The following P3H2 variants were observed in gnomAD, a reference collection of about 807,000 sequenced individuals.
The protein encoded by P3H2 is prolyl 3-hydroxylase 2, also known as leprecan-like 1.
Under a neutral mutation model 87.0 loss-of-function variants are expected in P3H2, and 80 were observed. The observed-to-expected ratio is 0.92, with a 90% CI of 0.77 to 1.11. The LOEUF (loss-of-function observed/expected upper bound fraction) is 1.11, where lower values mean the gene tolerates loss of function less well. P3H2 is among the 50% of genes least tolerant of loss of function. The pLI is 0.00. For missense variants in P3H2, 1,001 were observed against 923.9 expected (o/e 1.08, Z -1.08); for synonymous variants, 367 against 359.3 (o/e 1.02, Z -0.24).
In P3H2 at chr3:189,974,634, A is replaced by G; in HGVS notation, c.1376T>C (p.Leu459Pro). 1 of 1,614,210 alleles carries G rather than the reference A, an allele frequency of 6.2e-7. No individual in the cohort carries two copies. The highest frequency in any genetic ancestry group is 1.3e-5 in the African/African-American group (1 of 75,058). The change falls in exon 9 of 15, where the codon CTG (leucine) becomes CCG (proline). Residue 459 changes from leucine to proline, a missense_variant. Physicochemically the swap from Leu to Pro is moderately conservative, Grantham distance 98. Coordinates refer to ENST00000319332, the MANE Select transcript of P3H2 (RefSeq NM_018192.4). Reference protein sequence around the residue: ...NITFVYNSEQLNGTQRVLLDN... With the variant: ...NITFVYNSEQPNGTQRVLLDN... ...CAGGAGAACCCGCTGAGTCCCGTTCAGCTGCTCCGAGTTGTAGACGAATGT... is the reference window on the plus strand; with the variant it reads ...CAGGAGAACCCGCTGAGTCCCGTTCGGCTGCTCCGAGTTGTAGACGAATGT...
chr3:190,038,650 A>C (rs1725502255), intron 1 of P3H2, among the ~76,000 whole-genome samples: 1 of 152,180 alleles, frequency 6.6e-6, no homozygotes, highest in Non-Finnish European at 1.5e-5. Flanking sequence ...GTCCCCTAGG[A>C]TGCATTAATC....
At chr3:190,034,219 GAA>G (rs57522439) in intron 1 of P3H2, among the ~76,000 whole-genome samples, 86,665 of 151,510 alleles carry the variant, frequency 0.57, 26,907 homozygotes, top group South Asian at 0.71. Context: ...AATCACATAT[GAA>G]TAATTGTTCC....
intron 1 of P3H2, among the ~76,000 whole-genome samples, chr3:189,996,485 T>C (rs535013016): frequency 3.9e-5 from 6 of 152,168 alleles, no homozygotes; most frequent in Admixed American, 2.0e-4. Context: ...CAGGAAGAGG[T>C]TGGTCAAAGA....
intron 1 of P3H2, among the ~76,000 whole-genome samples, chr3:190,106,962 C>G (rs1363605764): frequency 6.6e-6 from 1 of 152,164 alleles, no homozygotes; most frequent in Non-Finnish European, 1.5e-5. Flanking sequence ...TATCTGTTAT[C>G]ACTAATAACT....
intron 1 of P3H2, among the ~76,000 whole-genome samples, chr3:190,004,349 T>A (rs964175580): frequency 6.6e-5 from 10 of 152,190 alleles, no homozygotes; most frequent in Non-Finnish European, 1.3e-4. Context: ...CTGGTAATTA[T>A]TGACAAGGGT....
intron 1 of P3H2, among the ~76,000 whole-genome samples, chr3:189,999,298 C>T (rs1469846392): frequency 6.6e-6 from 1 of 152,152 alleles, no homozygotes; most frequent in African/African-American, 2.4e-5. Flanking sequence ...AAAAAAGATT[C>T]CATGACTAAA....
At chr3:189,986,963 TTAGA>T in intron 5 of P3H2, 86 bp from the exon 6 acceptor site, 1 of 896,844 alleles carries the variant, frequency 1.1e-6, no homozygotes, top group Non-Finnish European at 1.9e-6. Flanking sequence ...AATATTTTCA[TTAGA>T]TAGTCACAAA....
At chr3:190,001,031 T>G (rs710567) in intron 1 of P3H2, among the ~76,000 whole-genome samples, 115,643 of 152,116 alleles carry the variant, frequency 0.76, 44,405 homozygotes, top group East Asian at 0.93. Flanking sequence ...TCCTTCCATT[T>G]CCTGCCTCGA....
At chr3:189,962,759 G>A (rs553149967) in intron 14 of P3H2, among the ~76,000 whole-genome samples, 2 of 152,338 alleles carry the variant, frequency 1.3e-5, no homozygotes, top group South Asian at 2.1e-4. Flanking sequence ...CTTAGGGAAT[G>A]TGGGGAAACA....
intron 1 of P3H2, among the ~76,000 whole-genome samples, chr3:190,094,686 T>A (rs1727514331): frequency 6.6e-6 from 1 of 152,098 alleles, no homozygotes; most frequent in South Asian, 2.1e-4. Flanking sequence ...AAACAGGAAG[T>A]GATAAAACTG....
intron 1 of P3H2, among the ~76,000 whole-genome samples, chr3:190,007,069 A>G (rs1433943022): frequency 6.6e-6 from 1 of 152,230 alleles, no homozygotes; most frequent in Non-Finnish European, 1.5e-5. Context: ...ACGTGAGGTA[A>G]AATTTCACTT....
rs753409668 is a variant in P3H2 at position 189,957,477 on chromosome 3, GTGTTT to G, written c.*430_*434del. On this transcript the variant is annotated 3_prime_UTR_variant, in exon 15 of 15. Coordinates refer to ENST00000319332, the MANE Select transcript of P3H2 (RefSeq NM_018192.4). ...TGTGTGTGTGTGTGTGTGTGTGTGT[GTGTTT>G]GGGGGAGGAGGTGAACTGGGCTTTG... 1 of 339,718 alleles carries G rather than the reference GTGTTT, an allele frequency of 2.9e-6. No homozygotes were observed. Among genetic ancestry groups the G allele is most frequent in the Non-Finnish European group, 5.2e-6 (1 of 193,478 alleles). The allele number at this position is 339,718 out of a possible 1,614,324, so 21.0% of individuals were successfully genotyped here.
intron 1 of P3H2, among the ~76,000 whole-genome samples, chr3:190,068,696 C>G (rs915166257): frequency 6.6e-6 from 1 of 152,006 alleles, no homozygotes; most frequent in Admixed American, 6.6e-5. Context: ...TTCCTAAAAG[C>G]TGAAGTTGCG....
At chr3:190,027,624 C>CT (rs539796963) in intron 1 of P3H2, among the ~76,000 whole-genome samples, 28,922 of 136,678 alleles carry the variant, frequency 0.21, 3,370 homozygotes, top group Middle Eastern at 0.31. Flanking sequence ...CGGTTTTTAC[C>CT]TTTTTTTTTT....
rs773858245 is a variant in P3H2 at position 189,974,699 on chromosome 3, G to A, written c.1325-14C>T. The A allele has an allele frequency of 1.2e-6, 2 of 1,614,168 alleles. No individual in the cohort carries two copies. The highest frequency in any genetic ancestry group is 2.2e-5 in the South Asian group (2 of 91,086). ...GTAGAGGACCACCTACAGGAACAGA[G>A]CACATTGTCTTCCCTGTTACCTCTG... On this transcript the variant is annotated splice_polypyrimidine_tract_variant and intron_variant, in intron 8 of 14. Coordinates refer to ENST00000319332, the MANE Select transcript of P3H2 (RefSeq NM_018192.4).
chr3:189,962,683 T>C, intron 14 of P3H2, among the ~76,000 whole-genome samples: 1 of 152,190 alleles, frequency 6.6e-6, no homozygotes, highest in East Asian at 1.9e-4. Context: ...CCAAGGCAGA[T>C]AATAATAGCT....
intron 7 of P3H2, 21 bp downstream of exon 7, chr3:189,984,529 T>C (rs1250447099): frequency 6.3e-7 from 1 of 1,597,892 alleles, no homozygotes; most frequent in Non-Finnish European, 8.6e-7. Flanking sequence ...AAAAACCAGT[T>C]TGCATTCTGA....
chr3:190,035,399 A>G (rs1210009637), intron 1 of P3H2, among the ~76,000 whole-genome samples: 1 of 152,204 alleles, frequency 6.6e-6, no homozygotes, highest in Non-Finnish European at 1.5e-5. Context: ...GAGTTAGTCT[A>G]TATAAAATCC....
intron 1 of P3H2, among the ~76,000 whole-genome samples, chr3:190,101,354 C>A (rs575294821): frequency 9.9e-4 from 96 of 96,688 alleles, no homozygotes; most frequent in African/African-American, 4.0e-3. Context: ...CATCAGTTCA[C>A]CAAATCATGA....
Sources: gnomAD v4.1 joint callset for allele counts (sites outside exome capture counted in the v4.1 genomes callset) on GRCh38, gnomAD v4.1.1 for gene constraint, MANE v1.5 for transcripts, NCBI Gene and HGNC (gene_info 2026-07-23, HGNC 2026-07-21) for gene names.